Variants in CNBD1 observed in about 807,000 individuals in gnomAD.
CNBD1 encodes the protein cyclic nucleotide binding domain containing 1.
A neutral mutation model predicts 54.4 loss-of-function variants in CNBD1; 71 were observed. The ratio of observed to expected loss-of-function variants is 1.30; its 90% confidence interval spans 1.08 to 1.59. The LOEUF (loss-of-function observed/expected upper bound fraction) is 1.59, where lower values mean the gene tolerates loss of function less well. Ranked by LOEUF, CNBD1 falls within the 40% of genes most tolerant of loss-of-function variation. The pLI, the probability that CNBD1 is intolerant of heterozygous loss-of-function variation, is 0.00. For synonymous variants in CNBD1, 182 were observed against 170.7 expected, an observed-to-expected ratio of 1.07 and a Z score of -0.51; for missense variants, 659 against 518.0, an observed-to-expected ratio of 1.27 and a Z score of -2.64.
At chr8:87,161,993 A>T (rs1441202839) in intron 4 of CNBD1, among the ~76,000 whole-genome samples, 1 of 152,124 alleles carries the variant, frequency 6.6e-6, no homozygotes, top group Non-Finnish European at 1.5e-5. Context: ...CGATTTCATT[A>T]GATTATGAAA....
intron 8 of CNBD1, among the ~76,000 whole-genome samples, chr8:87,349,879 T>C (rs561808255): frequency 6.6e-6 from 1 of 152,352 alleles, no homozygotes; most frequent in East Asian, 1.9e-4. Context: ...CAATTTTGTC[T>C]TGACTTCAAC....
At chr8:87,421,493 T>C (rs1385502815) in intron 2 of CNBD1, among the ~76,000 whole-genome samples, 1 of 145,330 alleles carries the variant, frequency 6.9e-6, no homozygotes, top group Non-Finnish European at 1.5e-5. Flanking sequence ...ATCTCATTGT[T>C]CAATTCCCAC....
chr8:87,248,429 A>T (rs1214241935), intron 6 of CNBD1, among the ~76,000 whole-genome samples: 1 of 152,246 alleles, frequency 6.6e-6, no homozygotes, highest in East Asian at 1.9e-4. Flanking sequence ...ACTAAGAATG[A>T]TGCTGTCAGT....
At chr8:86,958,156 T>C (rs2130462776) in intron 4 of CNBD1, among the ~76,000 whole-genome samples, 1 of 152,318 alleles carries the variant, frequency 6.6e-6, no homozygotes, top group Non-Finnish European at 1.5e-5. Flanking sequence ...AGTTTCTTAA[T>C]CCTGAGTTCT....
chr8:87,004,121 G>A (rs1040888742), intron 4 of CNBD1, among the ~76,000 whole-genome samples: 2 of 152,198 alleles, frequency 1.3e-5, no homozygotes, highest in Admixed American at 1.3e-4. Context: ...TTGGTGCAAT[G>A]ATTTATAAAT....
intron 6 of CNBD1, among the ~76,000 whole-genome samples, chr8:87,250,063 C>A (rs913015927): frequency 1.3e-5 from 2 of 152,042 alleles, no homozygotes; most frequent in Admixed American, 1.3e-4. Flanking sequence ...AAAATATTTG[C>A]AAACCACCCA....
chr8:86,867,232 A>G (rs1808378494), intron 1 of CNBD1, among the ~76,000 whole-genome samples: 2 of 113,410 alleles, frequency 1.8e-5, no homozygotes, highest in Non-Finnish European at 3.9e-5. Flanking sequence ...TATAAGATCT[A>G]TTATTTGAAC....
At chr8:87,426,047 A>T (rs1808042300) in intron 2 of CNBD1, among the ~76,000 whole-genome samples, 2 of 152,222 alleles carry the variant, frequency 1.3e-5, no homozygotes, top group Admixed American at 1.3e-4. Context: ...CCCGTCGGAA[A>T]ATCGCAGTAT....
chr8:87,385,658 G>A (rs1050532783), downstream of CNBD1, among the ~76,000 whole-genome samples: 4 of 151,944 alleles, frequency 2.6e-5, no homozygotes, highest in African/African-American at 9.7e-5. Context: ...GCACAAGGAG[G>A]CCTACCTGCC....
intron 4 of CNBD1, among the ~76,000 whole-genome samples, chr8:86,965,208 C>A (rs1808039228): frequency 6.6e-6 from 1 of 152,090 alleles, no homozygotes; most frequent in South Asian, 2.1e-4. Context: ...AAAAGAAGAA[C>A]CATGACAGCA....
At chr8:87,207,291 C>T (rs1214336126) in intron 5 of CNBD1, among the ~76,000 whole-genome samples, 1 of 151,796 alleles carries the variant, frequency 6.6e-6, no homozygotes, top group African/African-American at 2.4e-5. Flanking sequence ...AGAAGATTGG[C>T]TATACATATT....
At chr8:87,302,613 A>G (rs1347128316) in intron 8 of CNBD1, among the ~76,000 whole-genome samples, 3 of 151,878 alleles carry the variant, frequency 2.0e-5, no homozygotes, top group Non-Finnish European at 2.9e-5. Context: ...CCTATTCAAC[A>G]TAGTGTTGGA....
chr8:87,367,845 G>A (rs186775952), intron 10 of CNBD1, among the ~76,000 whole-genome samples: 2 of 152,158 alleles, frequency 1.3e-5, no homozygotes, highest in Non-Finnish European at 2.9e-5. Context: ...AGAACTATGG[G>A]GAACCATAGA....
intron 2 of CNBD1, among the ~76,000 whole-genome samples, chr8:86,893,398 A>G (rs1438667454): frequency 6.6e-6 from 1 of 152,152 alleles, no homozygotes; most frequent in Non-Finnish European, 1.5e-5. Flanking sequence ...GTGAAGTAAA[A>G]TCTTGCACAC....
intron 2 of CNBD1, among the ~76,000 whole-genome samples, chr8:86,897,641 G>A (rs1405642287): frequency 6.6e-6 from 1 of 152,182 alleles, no homozygotes; most frequent in Non-Finnish European, 1.5e-5. Flanking sequence ...CCAGTAACAG[G>A]ATAAAGAGAA....
intron 2 of CNBD1, among the ~76,000 whole-genome samples, chr8:87,420,493 A>G (rs1341249401): frequency 1.3e-5 from 2 of 152,134 alleles, no homozygotes; most frequent in African/African-American, 4.8e-5. Context: ...ATGTTGTGAG[A>G]AAAAAAGAGA....
chr8:87,319,470 G>C (rs987711934), intron 8 of CNBD1, among the ~76,000 whole-genome samples: 1 of 151,994 alleles, frequency 6.6e-6, no homozygotes, highest in Non-Finnish European at 1.5e-5. Flanking sequence ...ATGGAGTTTA[G>C]ATGAGTACTC....
intron 6 of CNBD1, among the ~76,000 whole-genome samples, chr8:87,250,913 G>A (rs118164187): frequency 0.023 from 3,573 of 152,174 alleles, 67 homozygotes; most frequent in Non-Finnish European, 0.035. Flanking sequence ...GTATTTGGTG[G>A]CACAATAGGG....
chr8:87,268,535 A>G (rs554974497), intron 6 of CNBD1, among the ~76,000 whole-genome samples: 3 of 152,202 alleles, frequency 2.0e-5, no homozygotes, highest in African/African-American at 7.2e-5. Flanking sequence ...TACACTGCTC[A>G]CCACAGTGGC....
Sources: allele counts gnomAD v4.1 joint callset (sites outside exome capture counted in the v4.1 genomes callset), GRCh38; gene constraint gnomAD v4.1.1; transcripts MANE v1.5; gene names NCBI Gene and HGNC (gene_info 2026-07-23, HGNC 2026-07-21).